SEMA3A: variants seen among roughly 807,000 people sequenced by gnomAD.
SEMA3A encodes semaphorin-3A.
In SEMA3A, 29 loss-of-function variants were observed where a neutral mutation model predicts 97.9. The ratio of observed to expected loss-of-function variants is 0.30; its 90% confidence interval spans 0.22 to 0.40. SEMA3A has a LOEUF of 0.40. Among genes scored for constraint, SEMA3A ranks in the 10% least tolerant of loss-of-function variants. The pLI, the probability that SEMA3A is intolerant of heterozygous loss-of-function variation, is 1.00. For synonymous variants in SEMA3A, 321 were observed against 323.7 expected (o/e 0.99, Z 0.09); for missense variants, 763 against 951.3 (o/e 0.80, Z 2.60).
chr7:84,345,948 A>G (rs771915122), intron 2 of SEMA3A, among the ~76,000 whole-genome samples: 1 of 152,212 alleles, frequency 6.6e-6, no homozygotes, highest in Non-Finnish European at 1.5e-5. Context: ...AGTCCTAGGC[A>G]TCTTCTTCCA....
chr7:84,135,004 C>T (rs1796079868), intron 1 of SEMA3A, 53 bp from the exon 2 acceptor site: 2 of 1,469,210 alleles, frequency 1.4e-6, no homozygotes, highest in East Asian at 4.6e-5. Flanking sequence ...ACTATATAAG[C>T]ATAGACTGTT....
At chr7:84,298,982 G>T (rs1800931903) in intron 3 of SEMA3A, among the ~76,000 whole-genome samples, 1 of 152,134 alleles carries the variant, frequency 6.6e-6, no homozygotes, top group African/African-American at 2.4e-5. Context: ...TTGAACATCA[G>T]ACTCCAAGTT....
intron 1 of SEMA3A, among the ~76,000 whole-genome samples, chr7:84,193,140 T>C (rs189057676): frequency 6.6e-6 from 1 of 152,080 alleles, no homozygotes; most frequent in African/African-American, 2.4e-5. Flanking sequence ...AGGAAAACAT[T>C]ACACCAAAAA....
intron 1 of SEMA3A, among the ~76,000 whole-genome samples, chr7:84,394,411 G>A (rs965168263): frequency 6.6e-6 from 1 of 152,106 alleles, no homozygotes; most frequent in Admixed American, 6.6e-5. Context: ...TAGAATCAAT[G>A]AGTCATAGCA....
chr7:84,133,827 G>T (rs978541436), intron 2 of SEMA3A, among the ~76,000 whole-genome samples: 7 of 149,204 alleles, frequency 4.7e-5, no homozygotes, highest in African/African-American at 1.5e-4. Flanking sequence ...AAGGCGGGCG[G>T]ATCACTTGAT....
At chr7:84,248,665 A>C (rs1799530158) in intron 3 of SEMA3A, among the ~76,000 whole-genome samples, 1 of 152,042 alleles carries the variant, frequency 6.6e-6, no homozygotes, top group Admixed American at 6.6e-5. Context: ...GTGATTGTCT[A>C]TAGTGTTAAA....
At chr7:84,468,523 C>T (rs1439239642) in intron 1 of SEMA3A, among the ~76,000 whole-genome samples, 3 of 152,090 alleles carry the variant, frequency 2.0e-5, no homozygotes, top group African/African-American at 4.8e-5. Context: ...ACACCAACAA[C>T]GTTAACTTGG....
At chr7:84,037,656 A>C (rs1202600331) in intron 6 of SEMA3A, among the ~76,000 whole-genome samples, 1 of 152,152 alleles carries the variant, frequency 6.6e-6, no homozygotes, top group East Asian at 1.9e-4. Flanking sequence ...AAAGTAATAA[A>C]AACCATACTT....
At chr7:84,416,006 G>A (rs1804422776) in intron 1 of SEMA3A, among the ~76,000 whole-genome samples, 1 of 151,936 alleles carries the variant, frequency 6.6e-6, no homozygotes, top group Non-Finnish European at 1.5e-5. Flanking sequence ...TATTTCCTTA[G>A]TAGGTAGACC....
intron 12 of SEMA3A, among the ~76,000 whole-genome samples, chr7:83,995,594 T>G (rs1790183874): frequency 6.6e-6 from 1 of 152,206 alleles, no homozygotes; most frequent in Non-Finnish European, 1.5e-5. Context: ...TACGGGGATT[T>G]TTTTCTGAGA....
chr7:84,395,307 T>A (rs899324758), intron 1 of SEMA3A, among the ~76,000 whole-genome samples: 1 of 151,762 alleles, frequency 6.6e-6, no homozygotes, highest in African/African-American at 2.4e-5. Context: ...TAAAAACTGT[T>A]AACTGCAATT....
intron 5 of SEMA3A, among the ~76,000 whole-genome samples, chr7:84,052,091 T>A (rs1247808805): frequency 6.6e-6 from 1 of 152,196 alleles, no homozygotes; most frequent in African/African-American, 2.4e-5. Flanking sequence ...AGCTTTTTGA[T>A]GTGCTACTGG....
At chr7:84,438,735 C>T (rs1023107030) in intron 1 of SEMA3A, among the ~76,000 whole-genome samples, 3 of 151,996 alleles carry the variant, frequency 2.0e-5, no homozygotes, top group Non-Finnish European at 4.4e-5. Context: ...CACATAGAAA[C>T]AACCAAGAGT....
intron 1 of SEMA3A, among the ~76,000 whole-genome samples, chr7:84,158,932 G>A (rs2116156028): frequency 6.6e-6 from 1 of 151,894 alleles, no homozygotes; most frequent in Middle Eastern, 3.4e-3. Context: ...AGCATTTCCT[G>A]AATTTATATA....
intron 5 of SEMA3A, among the ~76,000 whole-genome samples, chr7:84,055,522 T>C (rs996300824): frequency 6.6e-6 from 1 of 152,346 alleles, no homozygotes; most frequent in South Asian, 2.1e-4. Context: ...CCCTGACCCC[T>C]TGCGCTTCCC....
intron 4 of SEMA3A, among the ~76,000 whole-genome samples, chr7:84,063,637 G>A (rs1322553994): frequency 1.3e-5 from 2 of 151,522 alleles, no homozygotes; most frequent in Non-Finnish European, 2.9e-5. Context: ...AGCCTCAGGA[G>A]ACGATGCGAT....
At chr7:84,055,207 C>T (rs906082635) in intron 5 of SEMA3A, among the ~76,000 whole-genome samples, 8 of 152,190 alleles carry the variant, frequency 5.3e-5, no homozygotes, top group African/African-American at 1.4e-4. Context: ...GCAGGCAGGC[C>T]TCCTTGAGCT....
intron 7 of SEMA3A, among the ~76,000 whole-genome samples, 188 bp downstream of exon 7, chr7:84,014,021 G>A (rs191249711): frequency 7.9e-5 from 12 of 152,252 alleles, no homozygotes; most frequent in Admixed American, 3.9e-4. Context: ...ACCTGTACCT[G>A]TATATTTGAC....
At chr7:83,969,464 A>G (rs1788838344) in intron 15 of SEMA3A, among the ~76,000 whole-genome samples, 1 of 152,174 alleles carries the variant, frequency 6.6e-6, no homozygotes, top group Non-Finnish European at 1.5e-5. Flanking sequence ...TGTATTCATA[A>G]TCCTGGCAGA....
Sources: gnomAD v4.1 joint callset for allele counts (sites outside exome capture counted in the v4.1 genomes callset) on GRCh38, gnomAD v4.1.1 for gene constraint, MANE v1.5 for transcripts, NCBI Gene and HGNC (gene_info 2026-07-23, HGNC 2026-07-21) for gene names.